The following LINGO2 variants were observed in gnomAD, a reference collection of about 807,000 sequenced individuals.
LINGO2 encodes leucine rich repeat and Ig domain containing 2.
Under a neutral mutation model 30.6 loss-of-function variants are expected in LINGO2, and 14 were observed. The observed-to-expected ratio is 0.46, with a 90% CI of 0.30 to 0.72. The LOEUF (loss-of-function observed/expected upper bound fraction) is 0.72, where lower values mean the gene tolerates loss of function less well. Among genes scored for constraint, LINGO2 ranks in the 30% least tolerant of loss-of-function variants. The probability of loss-of-function intolerance (pLI) is 0.07; values close to 1 mark genes in which losing one functional copy is unlikely to be tolerated. For missense variants in LINGO2, 729 were observed against 751.7 expected (o/e 0.97, Z 0.35); for synonymous variants, 317 against 288.5 (o/e 1.10, Z -1.00).
chr9:28,640,385 A>C (rs901305158), intron 1 of LINGO2, among the ~76,000 whole-genome samples: 4 of 151,720 alleles, frequency 2.6e-5, no homozygotes, highest in African/African-American at 9.7e-5. Context: ...TAGATTGGGG[A>C]ATTTCTCCTG....
At chr9:28,565,501 ATT>A (rs397893182) in intron 1 of LINGO2, among the ~76,000 whole-genome samples, 1 of 139,076 alleles carries the variant, frequency 7.2e-6, no homozygotes. Flanking sequence ...AATTATTTTT[ATT>A]TTTTTTTTTT....
At chr9:28,661,481 T>C (rs1460463674) in intron 1 of LINGO2, among the ~76,000 whole-genome samples, 2 of 152,256 alleles carry the variant, frequency 1.3e-5, no homozygotes, top group East Asian at 1.9e-4. Context: ...ATTAAGCATG[T>C]AAGTTTGGGG....
At chr9:28,845,431 T>C in the LINGO2 span, among the ~76,000 whole-genome samples, 1 of 151,888 alleles carries the variant, frequency 6.6e-6, no homozygotes, top group African/African-American at 2.4e-5. Context: ...TTATGTCTTA[T>C]GAAAATTAAT....
the LINGO2 span, among the ~76,000 whole-genome samples, chr9:28,767,785 C>CAA: frequency 0.086 from 8,315 of 96,344 alleles, 408 homozygotes; most frequent in African/African-American, 0.093. Context: ...GACTCCATTT[C>CAA]AAAAAAAAAA....
the LINGO2 span, among the ~76,000 whole-genome samples, chr9:28,765,805 T>C: frequency 6.6e-6 from 1 of 151,956 alleles, no homozygotes; most frequent in Non-Finnish European, 1.5e-5. Flanking sequence ...TGATATCTCA[T>C]AGCAGCACAA....
At chr9:28,608,090 C>T (rs1825766335) in intron 1 of LINGO2, among the ~76,000 whole-genome samples, 1 of 151,044 alleles carries the variant, frequency 6.6e-6, no homozygotes, top group African/African-American at 2.4e-5. Flanking sequence ...TTCCATATAC[C>T]AACTGCTGAA....
At chr9:28,893,190 C>A in the LINGO2 span, among the ~76,000 whole-genome samples, 2 of 151,892 alleles carry the variant, frequency 1.3e-5, no homozygotes, top group Non-Finnish European at 2.9e-5. Flanking sequence ...CAGAATGTTT[C>A]CATCTAGTAT....
chr9:29,048,940 G>A, the LINGO2 span, among the ~76,000 whole-genome samples: 1 of 152,094 alleles, frequency 6.6e-6, no homozygotes, highest in African/African-American at 2.4e-5. Flanking sequence ...GTAAGCACGG[G>A]CAACCAAAGC....
chr9:28,858,944 G>C, the LINGO2 span, among the ~76,000 whole-genome samples: 4 of 138,028 alleles, frequency 2.9e-5, no homozygotes, highest in Admixed American at 2.3e-4. Context: ...TCATGAATGT[G>C]ACTAGTGAGT....
chr9:28,226,554 T>C (rs1404116103), intron 4 of LINGO2, among the ~76,000 whole-genome samples: 1 of 145,866 alleles, frequency 6.9e-6, no homozygotes, highest in Non-Finnish European at 1.5e-5. Context: ...GAACACATCA[T>C]TGAGGAAGGG....
At chr9:28,091,929 A>T (rs1227519973) in intron 4 of LINGO2, among the ~76,000 whole-genome samples, 1 of 152,198 alleles carries the variant, frequency 6.6e-6, no homozygotes, top group Non-Finnish European at 1.5e-5. Flanking sequence ...TTTGCAGCCA[A>T]AAGACACATG....
the LINGO2 span, among the ~76,000 whole-genome samples, chr9:28,865,502 G>T: frequency 1.3e-5 from 2 of 152,080 alleles, no homozygotes; most frequent in Non-Finnish European, 2.9e-5. Context: ...AATCACCCTG[G>T]CCGGGTGTGG....
intron 3 of LINGO2, among the ~76,000 whole-genome samples, chr9:28,309,007 T>G (rs889185931): frequency 4.6e-5 from 7 of 152,080 alleles, no homozygotes; most frequent in African/African-American, 1.4e-4. Context: ...GTTCAACCAT[T>G]GTGGAAGTCA....
At chr9:28,750,429 A>G in the LINGO2 span, among the ~76,000 whole-genome samples, 1 of 152,120 alleles carries the variant, frequency 6.6e-6, no homozygotes, top group African/African-American at 2.4e-5. Flanking sequence ...GGAAACTGCT[A>G]TGAAAATACA....
the LINGO2 span, among the ~76,000 whole-genome samples, chr9:28,882,625 C>T: frequency 1.3e-5 from 2 of 152,156 alleles, no homozygotes; most frequent in African/African-American, 4.8e-5. Flanking sequence ...TAAGGGCTCT[C>T]AACCTTTTCA....
chr9:28,234,603 C>G (rs1821492273), intron 4 of LINGO2, among the ~76,000 whole-genome samples: 1 of 152,220 alleles, frequency 6.6e-6, no homozygotes, highest in Non-Finnish European at 1.5e-5. Flanking sequence ...CTTGCTGAGG[C>G]TTCCAGCCTT....
chr9:28,687,468 A>G, the LINGO2 span, among the ~76,000 whole-genome samples: 1 of 152,140 alleles, frequency 6.6e-6, no homozygotes, highest in Non-Finnish European at 1.5e-5. Flanking sequence ...TATGAGAAAC[A>G]GAGGCTTACC....
rs1554720107 is a variant in LINGO2 at position 28,430,109 on chromosome 9, C to CATGTGT, written c.-279+45830_-279+45831insACACAT. Among the ~76,000 whole-genome samples, 4 of 136,204 alleles carry CATGTGT rather than the reference C, an allele frequency of 2.9e-5. No homozygotes were observed. In the East Asian group the frequency reaches 8.3e-4, roughly 28 times the overall value. The allele number at this position is 136,204 out of a possible 152,430, so 89.4% of individuals were successfully genotyped here. A position where few individuals can be genotyped will look rare whatever the true frequency, so the allele number is the denominator to read the frequency against. On this transcript the variant is annotated intron_variant, in intron 2 of 5. Coordinates refer to ENST00000379992, the Ensembl canonical transcript of LINGO2. ...AGGCTGATTTCCACGCGCGCGCGCG[C>CATGTGT]GTGTGTGTGTGTGTGTGTGTGATTC...
intron 4 of LINGO2, among the ~76,000 whole-genome samples, chr9:28,087,276 T>A (rs1007262360): frequency 2.0e-5 from 3 of 152,006 alleles, no homozygotes; most frequent in African/African-American, 7.2e-5. Context: ...ACTCATGAGG[T>A]TTTATTGTAA....
Sources: gnomAD v4.1 joint callset for allele counts (sites outside exome capture counted in the v4.1 genomes callset) on GRCh38, gnomAD v4.1.1 for gene constraint, MANE v1.5 for transcripts, NCBI Gene and HGNC (gene_info 2026-07-23, HGNC 2026-07-21) for gene names.